The following SPATA17 variants were observed in gnomAD, a reference collection of about 807,000 sequenced individuals.
SPATA17 encodes spermatogenesis-associated protein 17.
A neutral mutation model predicts 62.2 loss-of-function variants in SPATA17; 53 were observed. That is an observed-to-expected ratio of 0.85 (90% CI 0.68 to 1.07). The LOEUF (loss-of-function observed/expected upper bound fraction) is 1.07, where lower values mean the gene tolerates loss of function less well. SPATA17 is among the 50% of genes least tolerant of loss of function. The pLI is 0.00. For missense variants in SPATA17, 466 were observed against 425.5 expected (o/e 1.10, Z -0.84); for synonymous variants, 146 against 146.8 (o/e 0.99, Z 0.04).
At chr1:217,631,565 A>C in intron 1 of SPATA17, 119 bp downstream of exon 1, 1 of 1,009,584 alleles carries the variant, frequency 9.9e-7, no homozygotes, top group Non-Finnish European at 1.5e-6. Context: ...GTAGTACCCA[A>C]TTCTTCCCTT....
chr1:217,675,780 A>T (rs867514881), intron 4 of SPATA17, among the ~76,000 whole-genome samples: 1 of 152,324 alleles, frequency 6.6e-6, no homozygotes. Flanking sequence ...AAAGGGAATC[A>T]CAGAAAGGTA....
At chr1:217,770,222 G>C (rs1368910116) in intron 6 of SPATA17, among the ~76,000 whole-genome samples, 3 of 152,112 alleles carry the variant, frequency 2.0e-5, no homozygotes, top group African/African-American at 7.2e-5. Flanking sequence ...TTTAAGAACT[G>C]TTTCTCTCTC....
intron 8 of SPATA17, among the ~76,000 whole-genome samples, chr1:217,784,310 A>G (rs565292651): frequency 6.6e-6 from 1 of 152,298 alleles, no homozygotes; most frequent in South Asian, 2.1e-4. Flanking sequence ...TAAAAGTAGT[A>G]TATCAGGAAC....
intron 5 of SPATA17, among the ~76,000 whole-genome samples, chr1:217,736,384 T>C (rs577488608): frequency 6.6e-6 from 1 of 152,234 alleles, no homozygotes; most frequent in Admixed American, 6.5e-5. Flanking sequence ...CAGTTTGCAG[T>C]CTAGTAGGGA....
chr1:217,813,195 G>A (rs1674635403), intron 9 of SPATA17, among the ~76,000 whole-genome samples: 3 of 152,160 alleles, frequency 2.0e-5, no homozygotes, highest in Non-Finnish European at 4.4e-5. Flanking sequence ...GTGGCACATC[G>A]TTGTCTGCAG....
At chr1:217,864,898 A>C (rs930296728) in intron 10 of SPATA17, among the ~76,000 whole-genome samples, 1 of 152,186 alleles carries the variant, frequency 6.6e-6, no homozygotes, top group Non-Finnish European at 1.5e-5. Flanking sequence ...CAAATGGTGT[A>C]GATTATTTTT....
intron 5 of SPATA17, among the ~76,000 whole-genome samples, chr1:217,739,216 T>C (rs1672575986): frequency 6.6e-6 from 1 of 152,216 alleles, no homozygotes; most frequent in South Asian, 2.1e-4. Flanking sequence ...CAAGTTTCTT[T>C]ATATGGTAGA....
At chr1:217,632,781 A>T (rs1669838743) in intron 1 of SPATA17, among the ~76,000 whole-genome samples, 1 of 152,252 alleles carries the variant, frequency 6.6e-6, no homozygotes, top group Non-Finnish European at 1.5e-5. Context: ...ATAGCTAAAC[A>T]TAGAAATTAT....
intron 4 of SPATA17, among the ~76,000 whole-genome samples, chr1:217,677,237 C>A (rs1184595723): frequency 3.3e-5 from 5 of 152,012 alleles, no homozygotes; most frequent in African/African-American, 4.8e-5. Flanking sequence ...ATTAATCTAA[C>A]TTGATATATC....
Position 217,679,806 on chromosome 1 carries a change from T to C in SPATA17, c.292-3452T>C, listed in dbSNP as rs1427305348. Among the ~76,000 whole-genome samples, 6 of 152,154 alleles carry C rather than the reference T, an allele frequency of 3.9e-5. No individual in the cohort carries two copies. In the East Asian group the frequency reaches 5.8e-4, roughly 15 times the overall value. On this transcript the variant is annotated intron_variant, in intron 4 of 10. Transcript: ENST00000366933. ...TGGAGAAGGAAAGAGCCCACATTGT[T>C]GGATTTTTTCTTTTTTAATTACAGG...
In SPATA17 at chr1:217,868,664, GTTTTTTTTTTT is replaced by G. The variant is rs34123629; in HGVS notation, c.*1661_*1671del. The G allele has an allele frequency of 1.1e-5, 1 of 88,238 alleles. No individual in the cohort carries two copies. Among genetic ancestry groups the G allele is most frequent in the Admixed American group, 1.5e-4 (1 of 6,822 alleles). 5.5% of individuals were successfully genotyped at this position (88,238 alleles called of 1,614,324 possible). Reference sequence around the variant, plus strand: ...TAAACCAGAAAGTATCTGAGACAATGTTTTTTTTTTTTTTTTTTTTTTTTTTAATTTCTGAG... The same window carrying G: ...TAAACCAGAAAGTATCTGAGACAATGTTTTTTTTTTTTTTTAATTTCTGAG... On this transcript the variant is annotated 3_prime_UTR_variant, in exon 11 of 11. Transcript: ENST00000366933.
intron 9 of SPATA17, among the ~76,000 whole-genome samples, chr1:217,853,804 T>C (rs1023041411): frequency 6.6e-6 from 1 of 152,192 alleles, no homozygotes; most frequent in Non-Finnish European, 1.5e-5. Context: ...TTGTGGCCAA[T>C]AGCACTATAA....
intron 5 of SPATA17, among the ~76,000 whole-genome samples, chr1:217,722,294 G>C (rs981282972): frequency 3.3e-5 from 5 of 152,002 alleles, no homozygotes; most frequent in African/African-American, 1.2e-4. Context: ...AGAACAACTT[G>C]CATGTTGAAG....
intron 1 of SPATA17, among the ~76,000 whole-genome samples, chr1:217,634,083 T>G (rs1335812558): frequency 3.9e-5 from 6 of 152,214 alleles, no homozygotes; most frequent in Non-Finnish European, 5.9e-5. Context: ...TGTGTTTATG[T>G]TTTGGCCAGC....
chr1:217,676,070 G>A (rs1407062216), intron 4 of SPATA17, among the ~76,000 whole-genome samples: 1 of 152,154 alleles, frequency 6.6e-6, no homozygotes, highest in Non-Finnish European at 1.5e-5. Flanking sequence ...TCTAAATTAA[G>A]TGACAATTAA....
intron 5 of SPATA17, among the ~76,000 whole-genome samples, chr1:217,718,890 C>A (rs1474184192): frequency 6.6e-6 from 1 of 152,118 alleles, no homozygotes; most frequent in African/African-American, 2.4e-5. Flanking sequence ...AAAACAGCAA[C>A]AGAGCTTAGA....
intron 5 of SPATA17, among the ~76,000 whole-genome samples, chr1:217,710,913 A>C (rs1671847470): frequency 6.6e-6 from 1 of 152,164 alleles, no homozygotes; most frequent in Non-Finnish European, 1.5e-5. Flanking sequence ...CATTTCATAT[A>C]AATTGAACCT....
chr1:217,633,039 A>G (rs1316802864), intron 1 of SPATA17, among the ~76,000 whole-genome samples: 1 of 152,122 alleles, frequency 6.6e-6, no homozygotes, highest in African/African-American at 2.4e-5. Flanking sequence ...CTCTCCTAAA[A>G]TTACAAAAAT....
chr1:217,830,235 A>G (rs1675102352), intron 9 of SPATA17, among the ~76,000 whole-genome samples: 1 of 152,156 alleles, frequency 6.6e-6, no homozygotes, highest in Non-Finnish European at 1.5e-5. Context: ...TTTGAAAATT[A>G]TTTTTGGTAA....
Sources: gnomAD v4.1 joint callset for allele counts (sites outside exome capture counted in the v4.1 genomes callset) on GRCh38, gnomAD v4.1.1 for gene constraint, MANE v1.5 for transcripts, NCBI Gene and HGNC (gene_info 2026-07-23, HGNC 2026-07-21) for gene names.